CSMD1: variants seen among roughly 807,000 people sequenced by gnomAD.
CSMD1 encodes CUB and sushi domain-containing protein 1.
In CSMD1, 213 loss-of-function variants were observed where a neutral mutation model predicts 417.5. The ratio of observed to expected loss-of-function variants is 0.51; its 90% confidence interval spans 0.46 to 0.57. The LOEUF (loss-of-function observed/expected upper bound fraction) is 0.57, where lower values mean the gene tolerates loss of function less well. Ranked by LOEUF, CSMD1 falls within the 20% of genes least tolerant of loss-of-function variation. The pLI, the probability that CSMD1 is intolerant of heterozygous loss-of-function variation, is 0.00. For synonymous variants in CSMD1, 2,862 were observed against 1,736.8 expected (o/e 1.65, Z -16.11); for missense variants, 6,923 against 4,529.7 (o/e 1.53, Z -15.17).
At chr8:4,843,666 C>T (rs1800966467) in intron 1 of CSMD1, among the ~76,000 whole-genome samples, 1 of 152,124 alleles carries the variant, frequency 6.6e-6, no homozygotes, top group Admixed American at 6.6e-5. Context: ...ATGAATTTCA[C>T]TGTAATTATT....
chr8:4,185,518 A>G (rs1225513265), intron 3 of CSMD1, among the ~76,000 whole-genome samples: 1 of 152,220 alleles, frequency 6.6e-6, no homozygotes, highest in Non-Finnish European at 1.5e-5. Flanking sequence ...TTCTGCTAAT[A>G]CAAGTGGGCA....
At chr8:4,269,079 C>G (rs775263736) in intron 3 of CSMD1, among the ~76,000 whole-genome samples, 1 of 152,082 alleles carries the variant, frequency 6.6e-6, no homozygotes, top group Non-Finnish European at 1.5e-5. Context: ...GTTTTTGAGA[C>G]GGAGTCTCAC....
At chr8:3,172,128 A>T (rs935631168) in intron 37 of CSMD1, among the ~76,000 whole-genome samples, 4 of 152,254 alleles carry the variant, frequency 2.6e-5, no homozygotes, top group Admixed American at 6.5e-5. Flanking sequence ...AATTATTCTT[A>T]GAATAAATCC....
chr8:3,641,727 G>T (rs747483712), intron 7 of CSMD1, among the ~76,000 whole-genome samples: 1 of 152,274 alleles, frequency 6.6e-6, no homozygotes, highest in Admixed American at 6.5e-5. Context: ...AAATGGAAAT[G>T]TTTGGGACCA....
rs1167829285 is a variant in CSMD1, at chr8:3,789,680, CTTGT to C, written c.819-35642_819-35639del. Among the ~76,000 whole-genome samples the C allele has an allele frequency of 4.0e-5, 6 of 149,208 alleles. No individual in the cohort carries two copies. The East Asian group carries it at 5.9e-4, about 15-fold the overall frequency. ...AATTGCTTAATGAGACATGTATGACCTTGTTTATTTAGTATTTATCATAGATGTT... is the reference window on the plus strand; with the variant it reads ...AATTGCTTAATGAGACATGTATGACCTTATTTAGTATTTATCATAGATGTT... On this transcript the variant is annotated intron_variant, in intron 5 of 69. Transcript: ENST00000635120.
intron 1 of CSMD1, among the ~76,000 whole-genome samples, chr8:4,866,896 A>C (rs1028931609): frequency 1.4e-4 from 22 of 152,048 alleles, no homozygotes; most frequent in Non-Finnish European, 2.1e-4. Context: ...CCTTAATTAT[A>C]ATTTATTTGC....
At chr8:4,879,556 A>G (rs1803266337) in intron 1 of CSMD1, among the ~76,000 whole-genome samples, 1 of 152,124 alleles carries the variant, frequency 6.6e-6, no homozygotes, top group Admixed American at 6.5e-5. Context: ...GAAAATGAAT[A>G]CGATTTCTAG....
intron 1 of CSMD1, among the ~76,000 whole-genome samples, chr8:4,852,883 C>T (rs1320730527): frequency 6.6e-6 from 1 of 151,984 alleles, no homozygotes; most frequent in Non-Finnish European, 1.5e-5. Flanking sequence ...GTTTTCAGGC[C>T]CTAGGAATCT....
intron 11 of CSMD1, among the ~76,000 whole-genome samples, chr8:3,487,735 T>A (rs566715933): frequency 6.6e-6 from 1 of 152,292 alleles, no homozygotes; most frequent in Admixed American, 6.5e-5. Flanking sequence ...TGAAATTAGC[T>A]GTGAATGTTT....
In CSMD1 at chr8:3,126,609, C is replaced by T. The variant is rs181791380; in HGVS notation, c.6242-8022G>A. Among the ~76,000 whole-genome samples the T allele has an allele frequency of 5.4e-4, 82 of 152,300 alleles. 1 individual carries two copies. The East Asian group carries it at 0.014, about 25-fold the overall frequency. ...ACACATACAGAAGCTCACCAATTTC[C>T]CATATCTATCGGCTATTCTAAACTT... is the stretch of plus-strand genomic sequence containing the variant. On this transcript the variant is annotated intron_variant, in intron 41 of 69. Coordinates refer to ENST00000635120, the MANE Select transcript of CSMD1 (RefSeq NM_033225.6).
chr8:3,634,826 T>C (rs147448033), intron 7 of CSMD1, among the ~76,000 whole-genome samples: 2,639 of 152,248 alleles, frequency 0.017, 42 homozygotes, highest in South Asian at 0.047. Context: ...TAGGCGATTC[T>C]TGACGTTTTG....
chr8:4,877,966 C>T (rs181362757), intron 1 of CSMD1, among the ~76,000 whole-genome samples: 1 of 152,176 alleles, frequency 6.6e-6, no homozygotes, highest in Admixed American at 6.5e-5. Flanking sequence ...ATAATCCAAA[C>T]ACATATGTAT....
chr8:4,506,269 A>G (rs998085611), intron 2 of CSMD1, among the ~76,000 whole-genome samples: 1 of 152,176 alleles, frequency 6.6e-6, no homozygotes. Flanking sequence ...TTCCAGGAAC[A>G]GACGGATTCA....
intron 12 of CSMD1, among the ~76,000 whole-genome samples, chr8:3,434,785 A>G (rs1003656397): frequency 2.6e-5 from 4 of 152,230 alleles, no homozygotes; most frequent in Non-Finnish European, 5.9e-5. Flanking sequence ...CTCCTGGAAC[A>G]GACAGTTCCT....
chr8:4,044,006 T>A (rs991987031), intron 3 of CSMD1, among the ~76,000 whole-genome samples: 1 of 148,830 alleles, frequency 6.7e-6, no homozygotes, highest in Non-Finnish European at 1.5e-5. Context: ...CAGAAAGAAA[T>A]AATTTTGGCA....
At chr8:4,222,894 G>C (rs6999156) in intron 3 of CSMD1, among the ~76,000 whole-genome samples, 20,678 of 151,954 alleles carry the variant, frequency 0.14, 1,951 homozygotes, top group Non-Finnish European at 0.21. Flanking sequence ...CAAAACTATG[G>C]GCAAGTGAAA....
chr8:4,812,275 C>G lies in CSMD1; in HGVS notation c.86-174717G>C, dbSNP rs530792566. Among the ~76,000 whole-genome samples the G allele has an allele frequency of 3.9e-5, 6 of 152,236 alleles. No homozygotes were observed. The South Asian group carries it at 6.2e-4, about 16-fold the overall frequency. ...CACAGATGAATAGTTCTAAGTTTGT[C>G]GGGGAGGTGGGGGTTTTTCTCCCAG... is the stretch of plus-strand genomic sequence containing the variant. On this transcript the variant is annotated intron_variant, in intron 1 of 69. Coordinates refer to ENST00000635120, the MANE Select transcript of CSMD1 (RefSeq NM_033225.6).
chr8:3,240,436 T>A (rs991854174), intron 26 of CSMD1, among the ~76,000 whole-genome samples: 1 of 147,936 alleles, frequency 6.8e-6, no homozygotes, highest in Non-Finnish European at 1.5e-5. Flanking sequence ...GGAGTTGTTG[T>A]TTTATAGGTG....
chr8:3,534,984 G>C (rs1235652550), intron 10 of CSMD1, among the ~76,000 whole-genome samples: 1 of 152,176 alleles, frequency 6.6e-6, no homozygotes, highest in Non-Finnish European at 1.5e-5. Flanking sequence ...ATCTGGCTTT[G>C]TCGCCCAGGC....
Sources: gnomAD v4.1 joint callset for allele counts (sites outside exome capture counted in the v4.1 genomes callset) on GRCh38, gnomAD v4.1.1 for gene constraint, MANE v1.5 for transcripts, NCBI Gene and HGNC (gene_info 2026-07-23, HGNC 2026-07-21) for gene names.